Variants in SLC1A3 observed in about 807,000 individuals in gnomAD.
SLC1A3 encodes excitatory amino acid transporter 1.
A neutral mutation model predicts 48.1 loss-of-function variants in SLC1A3; 21 were observed. The ratio of observed to expected loss-of-function variants is 0.44; its 90% confidence interval spans 0.31 to 0.63. The LOEUF is 0.63. Ranked by LOEUF, SLC1A3 falls within the 20% of genes least tolerant of loss-of-function variation. SLC1A3 has a pLI of 0.08. For synonymous variants in SLC1A3, 239 were observed against 251.4 expected (o/e 0.95, Z 0.47); for missense variants, 546 against 689.0 (o/e 0.79, Z 2.32).
chr5:36,680,250 C>T, intron 7 of SLC1A3, 145 bp from the exon 8 acceptor site: 1 of 741,478 alleles, frequency 1.3e-6, no homozygotes. Flanking sequence ...TCTTAACCTG[C>T]TCCCCTATTT....
intron 3 of SLC1A3, among the ~76,000 whole-genome samples, chr5:36,653,372 A>G (rs1038438959): frequency 6.6e-6 from 1 of 152,240 alleles, no homozygotes; most frequent in African/African-American, 2.4e-5. Context: ...GGCGGTGTTC[A>G]CATAAATACT....
At chr5:36,612,734 C>T in intron 2 of SLC1A3, 1 of 453,794 alleles carries the variant, frequency 2.2e-6, no homozygotes, top group Non-Finnish European at 4.4e-6. Flanking sequence ...TTTTATTACT[C>T]TCATTGTACA....
chr5:36,673,983 A>AAC, intron 4 of SLC1A3, 66 bp from the exon 5 acceptor site: 1 of 1,267,458 alleles, frequency 7.9e-7, no homozygotes, highest in East Asian at 2.3e-5. Context: ...CACACAATGA[A>AAC]ACAGAATTTA....
intron 3 of SLC1A3, among the ~76,000 whole-genome samples, chr5:36,631,500 A>G (rs538226342): frequency 5.0e-4 from 76 of 152,340 alleles, no homozygotes; most frequent in African/African-American, 1.6e-3. Context: ...AAAATTGTTA[A>G]CATTTATAAT....
At chr5:36,619,276 A>C (rs74429299) in intron 2 of SLC1A3, among the ~76,000 whole-genome samples, 1 of 152,348 alleles carries the variant, frequency 6.6e-6, no homozygotes, top group East Asian at 1.9e-4. Context: ...TGACAGAAAC[A>C]AAAGACCAGG....
At chr5:36,633,360 G>A (rs972588430) in intron 3 of SLC1A3, among the ~76,000 whole-genome samples, 3 of 152,090 alleles carry the variant, frequency 2.0e-5, no homozygotes, top group African/African-American at 7.2e-5. Context: ...TGTGGTGTTG[G>A]GCATGATGTA....
intron 3 of SLC1A3, among the ~76,000 whole-genome samples, chr5:36,670,640 T>C (rs1381664097): frequency 1.3e-5 from 2 of 152,188 alleles, no homozygotes; most frequent in Non-Finnish European, 2.9e-5. Context: ...ATGTTTTAAG[T>C]ATTTATTTAC....
At chr5:36,677,368 T>A (rs1742257513) in intron 6 of SLC1A3, among the ~76,000 whole-genome samples, 184 bp downstream of exon 6, 2 of 152,192 alleles carry the variant, frequency 1.3e-5, no homozygotes, top group Non-Finnish European at 2.9e-5. Context: ...GCAAGCCTCT[T>A]CTAATAAGTT....
At chr5:36,668,526 C>T (rs1259120258) in intron 3 of SLC1A3, 1 of 152,198 alleles carries the variant, frequency 6.6e-6, no homozygotes, top group Non-Finnish European at 1.5e-5. Flanking sequence ...AAGGGAAGGA[C>T]CTACATGGAG....
intron 3 of SLC1A3, among the ~76,000 whole-genome samples, chr5:36,638,452 C>G (rs1051811589): frequency 1.3e-5 from 2 of 152,162 alleles, no homozygotes; most frequent in African/African-American, 4.8e-5. Flanking sequence ...TTACCTACTT[C>G]AAAGTAAATT....
intron 3 of SLC1A3, among the ~76,000 whole-genome samples, chr5:36,659,330 C>G (rs1038564598): frequency 6.6e-6 from 1 of 152,186 alleles, no homozygotes; most frequent in South Asian, 2.1e-4. Flanking sequence ...GTGAAGCACT[C>G]AGCACAGTGC....
intron 3 of SLC1A3, among the ~76,000 whole-genome samples, chr5:36,634,836 G>T (rs1349484934): frequency 6.6e-6 from 1 of 151,972 alleles, no homozygotes; most frequent in Non-Finnish European, 1.5e-5. Context: ...ACCAGCAAAG[G>T]GCTTTCTTAA....
chr5:36,662,449 G>T (rs1300224979), intron 3 of SLC1A3, among the ~76,000 whole-genome samples: 1 of 152,162 alleles, frequency 6.6e-6, no homozygotes, highest in Non-Finnish European at 1.5e-5. Flanking sequence ...AAGGGTCTTG[G>T]TCTGAGGCTG....
rs774480545 is a variant in SLC1A3, at chr5:36,683,906, T to C, written c.1332T>C (p.Pro444=). 6.2e-7 allele frequency: 1 copy of C among 1,614,140 alleles called. No homozygotes were observed. Among genetic ancestry groups the C allele is most frequent in the South Asian group, 1.1e-5 (1 of 91,084 alleles). Reference sequence around the variant, plus strand: ...CCAGTATTGGGGCAGCTGGAATTCCTCAGGCGGGCCTGGTCACTATGGTCA... The same window carrying C: ...CCAGTATTGGGGCAGCTGGAATTCCCCAGGCGGGCCTGGTCACTATGGTCA... ...TAASIGAAGI[P]QAGLVTMVIV... is the part of the protein sequence containing the mutation. The change falls in exon 9 of 10, where the codon CCT becomes CCC. Residue 444 remains proline, a synonymous_variant. Coordinates refer to ENST00000265113, the MANE Select transcript of SLC1A3 (RefSeq NM_004172.5).
intron 7 of SLC1A3, 146 bp from the exon 8 acceptor site, chr5:36,680,249 G>C: frequency 2.7e-6 from 2 of 740,206 alleles, no homozygotes. Flanking sequence ...TTCTTAACCT[G>C]CTCCCCTATT....
chr5:36,664,322 AG>A (rs1340650351), intron 3 of SLC1A3, among the ~76,000 whole-genome samples: 13 of 151,958 alleles, frequency 8.6e-5, no homozygotes, highest in Non-Finnish European at 4.4e-5. Context: ...TAGTAGAGAC[AG>A]GGTTTCACTA....
chr5:36,633,754 A>C (rs1740225428), intron 3 of SLC1A3, among the ~76,000 whole-genome samples: 1 of 152,202 alleles, frequency 6.6e-6, no homozygotes, highest in Non-Finnish European at 1.5e-5. Flanking sequence ...TCCTAAAGTC[A>C]ACTAGCCCAG....
intron 3 of SLC1A3, among the ~76,000 whole-genome samples, chr5:36,635,315 T>G (rs1388964110): frequency 6.6e-6 from 1 of 152,216 alleles, no homozygotes; most frequent in African/African-American, 2.4e-5. Context: ...TGTGCTCAAT[T>G]AATGGTAGCT....
chr5:36,658,988 A>ATT (rs55751349), intron 3 of SLC1A3, among the ~76,000 whole-genome samples: 29 of 149,418 alleles, frequency 1.9e-4, no homozygotes, highest in East Asian at 5.9e-4. Context: ...CAACCTACCC[A>ATT]TTTTTTTTTT....
Sources: gnomAD v4.1 joint callset for allele counts (sites outside exome capture counted in the v4.1 genomes callset) on GRCh38, gnomAD v4.1.1 for gene constraint, MANE v1.5 for transcripts, NCBI Gene and HGNC (gene_info 2026-07-23, HGNC 2026-07-21) for gene names.